DPYD: variants seen among roughly 807,000 people sequenced by gnomAD.
DPYD encodes dihydropyrimidine dehydrogenase, also known as dihydropyrimidine dehydrogenase [NADP(+)].
Under a neutral mutation model 116.2 loss-of-function variants are expected in DPYD, and 109 were observed. The observed-to-expected ratio is 0.94, with a 90% CI of 0.80 to 1.10. The LOEUF (loss-of-function observed/expected upper bound fraction) is 1.10. DPYD is among the 50% of genes least tolerant of loss of function. DPYD has a pLI of 0.00. For synonymous variants in DPYD, 440 were observed against 432.0 expected (o/e 1.02, Z -0.23); for missense variants, 1,302 against 1,254.5 (o/e 1.04, Z -0.57).
In DPYD at chr1:97,593,230, A is replaced by C; in HGVS notation, c.1116T>G (p.Ala372=). The change falls in exon 10 of 23, where the codon GCT becomes GCG. Residue 372 remains alanine (A), a synonymous_variant. Coordinates refer to ENST00000370192, the MANE Select transcript of DPYD (RefSeq NM_000110.4). The part of the protein sequence containing the change: ...VFRKGFVNIR[A]VPEEMELAKE... ...GGTTCCATTTTACCTCCTCAGGGACAGCTCTTATATTAACAAAGCCTTTTC... is the reference window on the plus strand; with the variant it reads ...GGTTCCATTTTACCTCCTCAGGGACCGCTCTTATATTAACAAAGCCTTTTC... 6.2e-7 allele frequency: 1 copy of C among 1,614,102 alleles called. No homozygotes were observed. The highest frequency in any genetic ancestry group is 1.1e-5 in the South Asian group (1 of 91,086).
At chr1:97,509,132 T>A (rs1164742650) in intron 13 of DPYD, among the ~76,000 whole-genome samples, 1 of 151,976 alleles carries the variant, frequency 6.6e-6, no homozygotes, top group African/African-American at 2.4e-5. Flanking sequence ...CAAAGGCAAG[T>A]CAACCCAGCT....
chr1:97,235,625 A>AAAAC lies in DPYD; in HGVS notation c.2300-635_2300-632dup, dbSNP rs529825219. Reference sequence around the variant, plus strand: ...GGTGACAGAGTGAGACTCTGTCTCAAAAACAAACAAACAAACAAAAAACAA... The same window carrying AAAAC: ...GGTGACAGAGTGAGACTCTGTCTCAAAAACAAACAAACAAACAAACAAAAAACAA... On this transcript the variant is annotated intron_variant, in intron 18 of 22. Coordinates refer to ENST00000370192, the MANE Select transcript of DPYD (RefSeq NM_000110.4). Among the ~76,000 whole-genome samples, 11 of 152,306 alleles carry AAAAC rather than the reference A, an allele frequency of 7.2e-5. No homozygotes were observed. In the East Asian group the frequency reaches 1.9e-3, roughly 27 times the overall value.
chr1:97,896,675 C>T (rs867297509), intron 1 of DPYD, among the ~76,000 whole-genome samples: 2 of 151,780 alleles, frequency 1.3e-5, no homozygotes, highest in African/African-American at 4.8e-5. Flanking sequence ...ATATCCCTGC[C>T]AAAAACATGT....
chr1:97,201,831 G>GT (rs1344489558), intron 19 of DPYD, among the ~76,000 whole-genome samples: 2 of 151,756 alleles, frequency 1.3e-5, no homozygotes, highest in Non-Finnish European at 2.9e-5. Context: ...CATCTGCTCT[G>GT]TAACTGTGGC....
intron 11 of DPYD, among the ~76,000 whole-genome samples, chr1:97,568,363 T>C (rs1652676356): frequency 6.6e-6 from 1 of 152,182 alleles, no homozygotes; most frequent in Admixed American, 6.6e-5. Flanking sequence ...AAGCTTACTA[T>C]ATGCTACGCC....
At chr1:97,799,655 C>T (rs992630888) in intron 3 of DPYD, among the ~76,000 whole-genome samples, 1 of 151,900 alleles carries the variant, frequency 6.6e-6, no homozygotes, top group African/African-American at 2.4e-5. Context: ...ACTGAGAATA[C>T]TTTAATCCAT....
intron 14 of DPYD, among the ~76,000 whole-genome samples, chr1:97,411,869 T>C (rs1410320893): frequency 6.6e-6 from 1 of 152,214 alleles, no homozygotes; most frequent in African/African-American, 2.4e-5. Context: ...CTTATTTGCA[T>C]ACTATAAAAA....
chr1:97,590,948 T>C (rs1438815556), intron 10 of DPYD, among the ~76,000 whole-genome samples: 1 of 152,228 alleles, frequency 6.6e-6, no homozygotes, highest in Non-Finnish European at 1.5e-5. Flanking sequence ...TCTCTTTCAA[T>C]GAGAGTAAAA....
At chr1:97,646,759 G>A (rs992798208) in intron 8 of DPYD, among the ~76,000 whole-genome samples, 2 of 152,018 alleles carry the variant, frequency 1.3e-5, no homozygotes, top group African/African-American at 2.4e-5. Flanking sequence ...TTTGCAGGAT[G>A]TTCCTGCAGA....
At chr1:97,134,314 C>T (rs929773778) in intron 20 of DPYD, among the ~76,000 whole-genome samples, 2 of 151,780 alleles carry the variant, frequency 1.3e-5, no homozygotes, top group Non-Finnish European at 1.5e-5. Flanking sequence ...ATTTGCTTTC[C>T]TCTGAAAAAT....
At chr1:97,897,340 A>G (rs1282710978) in intron 1 of DPYD, among the ~76,000 whole-genome samples, 3 of 151,744 alleles carry the variant, frequency 2.0e-5, no homozygotes, top group African/African-American at 7.3e-5. Flanking sequence ...CTTTATCACT[A>G]GTTTTGACCA....
intron 16 of DPYD, among the ~76,000 whole-genome samples, chr1:97,315,266 G>A (rs1031644953): frequency 1.1e-4 from 16 of 151,888 alleles, no homozygotes; most frequent in Middle Eastern, 3.4e-3. Flanking sequence ...GGTGTGCCTC[G>A]CTTTTAAACT....
chr1:97,228,345 T>C (rs1277476521), intron 19 of DPYD, among the ~76,000 whole-genome samples: 2 of 152,158 alleles, frequency 1.3e-5, no homozygotes, highest in East Asian at 3.8e-4. Context: ...GAAATGTCAT[T>C]ACTCTTCTTA....
intron 16 of DPYD, among the ~76,000 whole-genome samples, chr1:97,356,441 C>A (rs1214952457): frequency 1.3e-5 from 2 of 152,118 alleles, no homozygotes; most frequent in Non-Finnish European, 2.9e-5. Context: ...TTGATGTAAT[C>A]CAATTTGTCT....
intron 21 of DPYD, among the ~76,000 whole-genome samples, chr1:97,093,654 A>G (rs1388206197): frequency 6.6e-6 from 1 of 152,214 alleles, no homozygotes; most frequent in Non-Finnish European, 1.5e-5. Flanking sequence ...GTTTGAACCT[A>G]GGCAGTGTGA....
chr1:97,871,732 G>A (rs1157651154), intron 2 of DPYD, among the ~76,000 whole-genome samples: 1 of 151,722 alleles, frequency 6.6e-6, no homozygotes, highest in African/African-American at 2.4e-5. Context: ...GGGCAATAGA[G>A]GAAATATTCT....
At chr1:97,197,370 T>C (rs1267480728) in intron 19 of DPYD, among the ~76,000 whole-genome samples, 3 of 152,178 alleles carry the variant, frequency 2.0e-5, no homozygotes, top group Non-Finnish European at 1.5e-5. Flanking sequence ...TAGTATATGC[T>C]TATGGGTATA....
Position 97,550,538 on chromosome 1 carries a change from A to G in DPYD, c.1340-794T>C, listed in dbSNP as rs906936177. 9.9e-5 allele frequency among the ~76,000 whole-genome samples: 15 copies of G among 152,154 alleles called. 1 individual carries two copies. Among genetic ancestry groups the G allele is most frequent in the Admixed American group, 8.5e-4 (13 of 15,260 alleles). On this transcript the variant is annotated intron_variant, in intron 11 of 22. Coordinates refer to ENST00000370192, the MANE Select transcript of DPYD (RefSeq NM_000110.4). ...CATGTGGAAGAGATCAATGGATGCAATTTAGAGAAAGGGTTGAGTAAGAGA... is the reference window on the plus strand; with the variant it reads ...CATGTGGAAGAGATCAATGGATGCAGTTTAGAGAAAGGGTTGAGTAAGAGA...
intron 13 of DPYD, among the ~76,000 whole-genome samples, chr1:97,508,765 T>C (rs1189126509): frequency 2.0e-5 from 3 of 151,924 alleles, no homozygotes; most frequent in Admixed American, 6.6e-5. Context: ...CCTGACGTGG[T>C]GGATTTCAGT....
Sources: gnomAD v4.1 joint callset for allele counts (sites outside exome capture counted in the v4.1 genomes callset) on GRCh38, gnomAD v4.1.1 for gene constraint, MANE v1.5 for transcripts, NCBI Gene and HGNC (gene_info 2026-07-23, HGNC 2026-07-21) for gene names.